Variants in ZRANB3 observed in about 807,000 individuals in gnomAD.
The protein encoded by ZRANB3 is zinc finger RANBP2-type containing 3, also known as DNA annealing helicase and endonuclease ZRANB3.
A neutral mutation model predicts 133.8 loss-of-function variants in ZRANB3; 125 were observed. That is an observed-to-expected ratio of 0.93 (90% CI 0.81 to 1.08). The LOEUF (loss-of-function observed/expected upper bound fraction) is 1.08, where lower values mean the gene tolerates loss of function less well. ZRANB3 is among the 50% of genes least tolerant of loss of function. The pLI is 0.00. For synonymous variants in ZRANB3, 387 were observed against 432.7 expected (o/e 0.89, Z 1.31); for missense variants, 1,229 against 1,275.5 (o/e 0.96, Z 0.56).
intron 17 of ZRANB3, among the ~76,000 whole-genome samples, chr2:135,213,573 A>G (rs567008881): frequency 6.6e-6 from 1 of 152,196 alleles, no homozygotes; most frequent in East Asian, 1.9e-4. Flanking sequence ...CTGCCTCTCT[A>G]TAATCAGTCA....
chr2:135,243,471 C>T (rs1695640328), intron 12 of ZRANB3, among the ~76,000 whole-genome samples: 1 of 152,052 alleles, frequency 6.6e-6, no homozygotes, highest in South Asian at 2.1e-4. Context: ...CCACTGCACT[C>T]CAGCCTGGGC....
At chr2:135,526,157 ATT>A (rs993714638) in intron 1 of ZRANB3, among the ~76,000 whole-genome samples, 5,888 of 107,650 alleles carry the variant, frequency 0.055, 124 homozygotes, top group African/African-American at 0.16. Flanking sequence ...CTAAGCTATG[ATT>A]TTTTTTTTTT....
chr2:135,426,546 T>C (rs934558024), intron 2 of ZRANB3, among the ~76,000 whole-genome samples: 3 of 151,844 alleles, frequency 2.0e-5, no homozygotes, highest in Admixed American at 6.6e-5. Flanking sequence ...TATATGCAAA[T>C]TGGCCGGGCA....
chr2:135,316,339 T>C (rs990177148), intron 6 of ZRANB3, among the ~76,000 whole-genome samples: 7 of 152,302 alleles, frequency 4.6e-5, no homozygotes, highest in East Asian at 1.9e-4. Context: ...AGTGGATCAA[T>C]TGAACTTACA....
chr2:135,482,224 G>A (rs1411032013), intron 2 of ZRANB3, among the ~76,000 whole-genome samples: 6 of 139,944 alleles, frequency 4.3e-5, no homozygotes, highest in Non-Finnish European at 7.4e-5. Context: ...CGATTTTCAC[G>A]ATATTGATTC....
intron 6 of ZRANB3, among the ~76,000 whole-genome samples, chr2:135,316,987 T>A (rs867155239): frequency 1.3e-3 from 177 of 132,660 alleles, no homozygotes; most frequent in Middle Eastern, 0.013. Flanking sequence ...AAAAAAAATA[T>A]ATATATATAT....
intron 12 of ZRANB3, among the ~76,000 whole-genome samples, chr2:135,259,107 C>T (rs1378442503): frequency 3.3e-5 from 5 of 151,054 alleles, no homozygotes; most frequent in Non-Finnish European, 3.0e-5. Flanking sequence ...GTGCAATCAT[C>T]CTCCTGAGCT....
At chr2:135,357,408 G>GC (rs1685487246) in intron 3 of ZRANB3, among the ~76,000 whole-genome samples, 1 of 152,184 alleles carries the variant, frequency 6.6e-6, no homozygotes, top group East Asian at 1.9e-4. Flanking sequence ...CGATTCTCCT[G>GC]CCTCAGCCTC....
At chr2:135,217,405 C>G in intron 17 of ZRANB3, 60 bp downstream of exon 17, 1 of 1,468,790 alleles carries the variant, frequency 6.8e-7, no homozygotes, top group Non-Finnish European at 9.0e-7. Flanking sequence ...CTCAGACCCC[C>G]CTGTAGAAAG....
intron 2 of ZRANB3, among the ~76,000 whole-genome samples, chr2:135,460,046 T>C (rs1380381457): frequency 6.6e-6 from 1 of 152,058 alleles, no homozygotes; most frequent in East Asian, 1.9e-4. Context: ...CATCAGAATA[T>C]TCAAGGGTGT....
chr2:135,479,581 G>A (rs1664289497), intron 2 of ZRANB3, among the ~76,000 whole-genome samples: 1 of 152,054 alleles, frequency 6.6e-6, no homozygotes, highest in South Asian at 2.1e-4. Context: ...CGAGAGAATC[G>A]CTTGAATCCA....
intron 3 of ZRANB3, among the ~76,000 whole-genome samples, chr2:135,378,787 C>G (rs571144922): frequency 6.6e-6 from 1 of 152,216 alleles, no homozygotes; most frequent in East Asian, 1.9e-4. Context: ...AGGAAAGTAC[C>G]AGTTGAATTC....
chr2:135,343,183 C>A (rs1684773170), intron 6 of ZRANB3, among the ~76,000 whole-genome samples: 1 of 128,996 alleles, frequency 7.8e-6, no homozygotes, highest in African/African-American at 3.3e-5. Flanking sequence ...GAGACTCTGT[C>A]TCCAAAAAAA....
At chr2:135,278,967 A>C (rs780006239) in intron 8 of ZRANB3, among the ~76,000 whole-genome samples, 26 of 152,168 alleles carry the variant, frequency 1.7e-4, no homozygotes, top group Admixed American at 1.6e-3. Flanking sequence ...GACAGGGCTA[A>C]AATTTAATCT....
intron 2 of ZRANB3, among the ~76,000 whole-genome samples, chr2:135,400,550 C>G (rs1177210391): frequency 1.3e-5 from 2 of 152,104 alleles, no homozygotes; most frequent in African/African-American, 4.8e-5. Flanking sequence ...CATGATCTGT[C>G]CACCTTGGCT....
At chr2:135,398,096 C>T (rs141385565) in intron 2 of ZRANB3, among the ~76,000 whole-genome samples, 15 of 151,682 alleles carry the variant, frequency 9.9e-5, no homozygotes, top group African/African-American at 3.4e-4. Context: ...GATGGAGTCT[C>T]GCTCTGTCAC....
intron 8 of ZRANB3, among the ~76,000 whole-genome samples, chr2:135,305,259 C>T (rs1484465371): frequency 2.6e-5 from 4 of 152,102 alleles, no homozygotes; most frequent in African/African-American, 9.7e-5. Flanking sequence ...TGTGCCTGGC[C>T]CCTTTTACTA....
intron 10 of ZRANB3, among the ~76,000 whole-genome samples, chr2:135,269,365 T>A (rs1002014096): frequency 2.0e-5 from 3 of 152,164 alleles, no homozygotes; most frequent in African/African-American, 7.2e-5. Context: ...TTTCAAAATT[T>A]CAAAAGTCAG....
chr2:135,274,244 T>C (rs886974024), intron 9 of ZRANB3, among the ~76,000 whole-genome samples: 21 of 152,240 alleles, frequency 1.4e-4, no homozygotes, highest in African/African-American at 4.8e-4. Flanking sequence ...TGGTGGACTA[T>C]TGGAAATCAA....
Sources: gnomAD v4.1 joint callset for allele counts (sites outside exome capture counted in the v4.1 genomes callset) on GRCh38, gnomAD v4.1.1 for gene constraint, MANE v1.5 for transcripts, NCBI Gene and HGNC (gene_info 2026-07-23, HGNC 2026-07-21) for gene names.